NELL1: variants seen among roughly 807,000 people sequenced by gnomAD.
NELL1 encodes the protein neural EGFL like 1, also known as protein kinase C-binding protein NELL1.
A neutral mutation model predicts 107.4 loss-of-function variants in NELL1; 76 were observed. The ratio of observed to expected loss-of-function variants is 0.71; its 90% CI spans 0.59 to 0.86. The LOEUF (loss-of-function observed/expected upper bound fraction) is 0.86. Among genes scored for constraint, NELL1 ranks in the 40% least tolerant of loss-of-function variants. The pLI is 0.00. For missense variants in NELL1, 1,024 were observed against 1,005.5 expected (o/e 1.02, Z -0.25); for synonymous variants, 353 against 341.2 (o/e 1.03, Z -0.38).
intron 2 of NELL1, among the ~76,000 whole-genome samples, chr11:20,683,413 A>C (rs1590202094): frequency 6.6e-6 from 1 of 152,056 alleles, no homozygotes; most frequent in East Asian, 1.9e-4. Context: ...CCCATCACCC[A>C]GGTAGTGAGC....
chr11:20,837,240 A>C (rs544931599), intron 3 of NELL1, among the ~76,000 whole-genome samples: 11 of 152,154 alleles, frequency 7.2e-5, no homozygotes, highest in African/African-American at 2.7e-4. Context: ...TAATTAAGTA[A>C]ATTGATGGTA....
intron 14 of NELL1, among the ~76,000 whole-genome samples, chr11:21,357,475 T>C (rs932386736): frequency 1.6e-4 from 24 of 152,316 alleles, no homozygotes; most frequent in Admixed American, 1.6e-3. Context: ...TCCATTCATG[T>C]CCTTAGCCCA....
At chr11:21,448,294 C>T (rs1853491188) in intron 15 of NELL1, among the ~76,000 whole-genome samples, 2 of 152,138 alleles carry the variant, frequency 1.3e-5, no homozygotes, top group African/African-American at 4.8e-5. Context: ...CAACCCTCTC[C>T]TGATATCTTA....
intron 13 of NELL1, among the ~76,000 whole-genome samples, chr11:21,218,920 G>C (rs1857684638): frequency 6.6e-6 from 1 of 152,058 alleles, no homozygotes; most frequent in Admixed American, 6.6e-5. Flanking sequence ...CCGTATGTTG[G>C]CTATTGTGAA....
At chr11:20,735,277 T>C (rs1855735115) in intron 2 of NELL1, among the ~76,000 whole-genome samples, 1 of 152,138 alleles carries the variant, frequency 6.6e-6, no homozygotes, top group East Asian at 1.9e-4. Flanking sequence ...CATGCTACTA[T>C]AAAGAACTAC....
chr11:21,123,499 T>C (rs1009878007), intron 13 of NELL1, among the ~76,000 whole-genome samples: 3 of 152,174 alleles, frequency 2.0e-5, no homozygotes, highest in Admixed American at 2.0e-4. Flanking sequence ...ACTAAATTTA[T>C]GTGTGTGACT....
chr11:21,034,238 T>C (rs1217114222), intron 12 of NELL1, among the ~76,000 whole-genome samples: 3 of 152,226 alleles, frequency 2.0e-5, no homozygotes, highest in Non-Finnish European at 4.4e-5. Context: ...GGCTTCCCAG[T>C]TATCCAGCAC....
intron 4 of NELL1, among the ~76,000 whole-genome samples, chr11:20,877,328 A>G (rs1849323447): frequency 6.6e-6 from 1 of 152,246 alleles, no homozygotes; most frequent in Non-Finnish European, 1.5e-5. Flanking sequence ...ATATTGTCTT[A>G]TTGAACAGTG....
At chr11:21,337,730 T>TC (rs879374923) in intron 14 of NELL1, among the ~76,000 whole-genome samples, 7 of 151,476 alleles carry the variant, frequency 4.6e-5, no homozygotes, top group South Asian at 2.1e-4. Flanking sequence ...TTCTTTTCTT[T>TC]CTTTCCTTTC....
intron 13 of NELL1, among the ~76,000 whole-genome samples, chr11:21,117,211 A>G (rs1171093845): frequency 2.0e-5 from 3 of 151,968 alleles, no homozygotes; most frequent in Non-Finnish European, 2.9e-5. Context: ...GATCAATATA[A>G]ATAGCCACTC....
At chr11:21,043,117 C>A (rs1359570057) in intron 12 of NELL1, among the ~76,000 whole-genome samples, 2 of 152,058 alleles carry the variant, frequency 1.3e-5, no homozygotes, top group Non-Finnish European at 2.9e-5. Context: ...AAGATGGATG[C>A]AAGAAAATTT....
chr11:21,428,977 G>A (rs1852902334), intron 15 of NELL1, among the ~76,000 whole-genome samples: 1 of 152,148 alleles, frequency 6.6e-6, no homozygotes, highest in Admixed American at 6.6e-5. Context: ...GTAATGGCCT[G>A]ATAGCCACTT....
intron 12 of NELL1, among the ~76,000 whole-genome samples, chr11:21,040,585 T>C (rs1460849543): frequency 1.3e-5 from 2 of 152,164 alleles, no homozygotes; most frequent in East Asian, 1.9e-4. Flanking sequence ...GGTTTACTCT[T>C]AATAGAGATT....
At chr11:20,895,996 A>T (rs953065879) in intron 5 of NELL1, among the ~76,000 whole-genome samples, 2 of 152,026 alleles carry the variant, frequency 1.3e-5, no homozygotes, top group South Asian at 2.1e-4. Flanking sequence ...TTTTAAAAAA[A>T]TTTCACTAGT....
At chr11:21,287,321 G>T (rs1014483435) in intron 14 of NELL1, among the ~76,000 whole-genome samples, 1 of 151,870 alleles carries the variant, frequency 6.6e-6, no homozygotes, top group Non-Finnish European at 1.5e-5. Flanking sequence ...CTTCCTAACT[G>T]ATGTCTTGCC....
intron 2 of NELL1, among the ~76,000 whole-genome samples, chr11:20,741,715 G>A (rs1369791008): frequency 6.6e-6 from 1 of 152,122 alleles, no homozygotes; most frequent in Non-Finnish European, 1.5e-5. Context: ...TTAATTCTAC[G>A]ATGGAACACT....
At chr11:21,379,087 G>T (rs567810738) in intron 15 of NELL1, among the ~76,000 whole-genome samples, 1 of 152,028 alleles carries the variant, frequency 6.6e-6, no homozygotes, top group Admixed American at 6.6e-5. Context: ...AAATTGGACT[G>T]GGCTGTAAAT....
intron 14 of NELL1, among the ~76,000 whole-genome samples, chr11:21,331,124 C>T (rs987137393): frequency 3.9e-5 from 6 of 152,028 alleles, no homozygotes; most frequent in African/African-American, 1.4e-4. Context: ...TCCTTAACCT[C>T]TCTAAGCATA....
chr11:21,444,671 A>C (rs947316582), intron 15 of NELL1, among the ~76,000 whole-genome samples: 1 of 152,162 alleles, frequency 6.6e-6, no homozygotes. Flanking sequence ...AATGTGTGAT[A>C]ATCACACCAG....
Sources: gnomAD v4.1 joint callset for allele counts (sites outside exome capture counted in the v4.1 genomes callset) on GRCh38, gnomAD v4.1.1 for gene constraint, MANE v1.5 for transcripts, NCBI Gene and HGNC (gene_info 2026-07-23, HGNC 2026-07-21) for gene names.